Variants in NXPE2 observed in about 807,000 individuals in gnomAD.
NXPE2 encodes neurexophilin and PC-esterase domain family member 2, also known as NXPE family member 2.
Under a neutral mutation model 34.4 loss-of-function variants are expected in NXPE2, and 34 were observed. The ratio of observed to expected loss-of-function variants is 0.99; its 90% CI spans 0.75 to 1.31. NXPE2 has a LOEUF of 1.31. Ranked by LOEUF, NXPE2 falls within the 40% of genes most tolerant of loss-of-function variation. The pLI, the probability that NXPE2 is intolerant of heterozygous loss-of-function variation, is 0.00. For synonymous variants in NXPE2, 235 were observed against 231.3 expected (o/e 1.02, Z -0.15); for missense variants, 649 against 672.5 (o/e 0.97, Z 0.39).
At chr11:114,811,091 A>T in the NXPE2 span, among the ~76,000 whole-genome samples, 1 of 150,698 alleles carries the variant, frequency 6.6e-6, no homozygotes, top group South Asian at 2.1e-4. Context: ...AAGGACAAAA[A>T]ACCAAACACC....
At chr11:114,532,249 T>C in the NXPE2 span, among the ~76,000 whole-genome samples, 24 of 152,250 alleles carry the variant, frequency 1.6e-4, no homozygotes, top group Non-Finnish European at 3.4e-4. Context: ...AGAACCCACA[T>C]TGAAGTTTTG....
Position 114,702,845 on chromosome 11 carries a change from C to T in NXPE2, c.867-1146C>T, listed in dbSNP as rs1041679981. Among the ~76,000 whole-genome samples the T allele has an allele frequency of 2.0e-5, 3 of 152,120 alleles. 1 individual carries two copies. The highest frequency in any genetic ancestry group is 4.4e-5 in the Non-Finnish European group (3 of 68,028). On this transcript the variant is annotated intron_variant, in intron 3 of 5. Coordinates refer to ENST00000389586, the MANE Select transcript of NXPE2 (RefSeq NM_182495.6). ...GCCTTCTTGATGAAGGGGATATTAT[C>T]CTCACTTGACCCAAAAACTCATTTC...
the NXPE2 span, among the ~76,000 whole-genome samples, chr11:114,525,927 C>T: frequency 6.6e-6 from 1 of 152,196 alleles, no homozygotes; most frequent in Non-Finnish European, 1.5e-5. Flanking sequence ...TCTCCTGTCC[C>T]TTAATTCCCA....
At chr11:114,584,229 T>C in the NXPE2 span, 1 of 423,684 alleles carries the variant, frequency 2.4e-6, no homozygotes, top group Non-Finnish European at 4.7e-6. Flanking sequence ...TGGAGATCCC[T>C]AATGAGCCTT....
chr11:114,622,771 G>A, the NXPE2 span, among the ~76,000 whole-genome samples: 1 of 152,068 alleles, frequency 6.6e-6, no homozygotes. Context: ...TGCCTCATGG[G>A]TAATCACTGC....
chr11:114,742,144 A>G, the NXPE2 span, among the ~76,000 whole-genome samples: 2 of 152,036 alleles, frequency 1.3e-5, no homozygotes, highest in African/African-American at 2.4e-5. Flanking sequence ...CTAGGATGGC[A>G]CTCTGAAACG....
chr11:114,784,816 T>C, the NXPE2 span, among the ~76,000 whole-genome samples: 1 of 152,108 alleles, frequency 6.6e-6, no homozygotes, highest in Non-Finnish European at 1.5e-5. Context: ...GACCTGCACA[T>C]TAAAAAGTTT....
At position 114,704,361 on chromosome 11, in the gene NXPE2, G is replaced by C. The variant is rs527295817; in HGVS notation, c.928+309G>C. ...TTATTCCTCCAGAGCCAATGATCAG[G>C]TGCTGGTGCTATGTGAAAAATGTCT... On this transcript the variant is annotated intron_variant, in intron 4 of 5. Coordinates refer to ENST00000389586, the MANE Select transcript of NXPE2 (RefSeq NM_182495.6). Among the ~76,000 whole-genome samples, 151 of 152,302 alleles carry C rather than the reference G, an allele frequency of 9.9e-4. 1 individual carries two copies. The highest frequency in any genetic ancestry group is 5.4e-3 in the South Asian group (26 of 4,822).
At chr11:114,704,514 T>C (rs1356650220) in intron 4 of NXPE2, among the ~76,000 whole-genome samples, 4 of 152,234 alleles carry the variant, frequency 2.6e-5, no homozygotes, top group Non-Finnish European at 5.9e-5. Flanking sequence ...AGTTTAATCA[T>C]ATGAACTTTA....
the NXPE2 span, among the ~76,000 whole-genome samples, chr11:114,591,953 A>C: frequency 6.6e-6 from 1 of 152,214 alleles, no homozygotes; most frequent in African/African-American, 2.4e-5. Context: ...CTCAATAGAA[A>C]AGACACTTGA....
the NXPE2 span, among the ~76,000 whole-genome samples, chr11:114,756,848 A>C: frequency 6.6e-6 from 1 of 152,084 alleles, no homozygotes; most frequent in Admixed American, 6.5e-5. Flanking sequence ...AATTTCCATA[A>C]GGAAGGAGAT....
the NXPE2 span, among the ~76,000 whole-genome samples, chr11:114,480,058 GT>G: frequency 6.6e-6 from 1 of 152,142 alleles, no homozygotes; most frequent in Non-Finnish European, 1.5e-5. Context: ...CAAGCCATTT[GT>G]GAGGAGTCCA....
the NXPE2 span, among the ~76,000 whole-genome samples, chr11:114,495,459 C>T: frequency 6.6e-6 from 1 of 151,728 alleles, no homozygotes; most frequent in Non-Finnish European, 1.5e-5. Context: ...AGAAGGGTCT[C>T]TCCTCATGGC....
the NXPE2 span, among the ~76,000 whole-genome samples, chr11:114,732,736 C>T: frequency 0.97 from 147,585 of 152,244 alleles, 71,688 homozygotes; most frequent in Middle Eastern, 1. Flanking sequence ...TTTCAAAATA[C>T]CTGCATTAAT....
At chr11:114,732,225 T>C in the NXPE2 span, among the ~76,000 whole-genome samples, 1 of 152,226 alleles carries the variant, frequency 6.6e-6, no homozygotes, top group African/African-American at 2.4e-5. Context: ...TGTTCCCTTA[T>C]CTCCATTGTA....
chr11:114,733,760 A>G, the NXPE2 span, among the ~76,000 whole-genome samples: 1 of 152,154 alleles, frequency 6.6e-6, no homozygotes, highest in East Asian at 1.9e-4. Context: ...CCACTCACCT[A>G]GATGTTTTGC....
At chr11:114,640,002 GTAA>G in the NXPE2 span, among the ~76,000 whole-genome samples, 953 of 115,448 alleles carry the variant, frequency 8.3e-3, 10 homozygotes, top group Non-Finnish European at 0.013. Context: ...GTTATATAAT[GTAA>G]TAATATATTA....
At chr11:114,775,879 C>CAAAAAAAAAAAAAAAA in the NXPE2 span, among the ~76,000 whole-genome samples, 1 of 90,628 alleles carries the variant, frequency 1.1e-5, no homozygotes, top group Non-Finnish European at 2.7e-5. Context: ...AACAAAAAAA[C>CAAAAAAAAAAAAAAAA]GAAAAAAAAA....
the NXPE2 span, among the ~76,000 whole-genome samples, chr11:114,668,634 G>A: frequency 6.6e-6 from 1 of 152,072 alleles, no homozygotes; most frequent in South Asian, 2.1e-4. Flanking sequence ...CTCAGAGCAA[G>A]TGGGGAAAAG....
Sources: allele counts gnomAD v4.1 joint callset (sites outside exome capture counted in the v4.1 genomes callset), GRCh38; gene constraint gnomAD v4.1.1; transcripts MANE v1.5; gene names NCBI Gene and HGNC (gene_info 2026-07-23, HGNC 2026-07-21).